The following RSRC1 variants were observed in gnomAD, a reference collection of about 807,000 sequenced individuals.
RSRC1 encodes serine/Arginine-related protein 53.
A neutral mutation model predicts 49.1 loss-of-function variants in RSRC1; 39 were observed. The ratio of observed to expected loss-of-function variants is 0.79; its 90% confidence interval spans 0.61 to 1.04. The LOEUF (loss-of-function observed/expected upper bound fraction) is 1.04, where lower values mean the gene tolerates loss of function less well. RSRC1 is among the 50% of genes least tolerant of loss of function. The pLI, the probability that RSRC1 is intolerant of heterozygous loss-of-function variation, is 0.00. For missense variants in RSRC1, 388 were observed against 402.4 expected (o/e 0.96, Z 0.31); for synonymous variants, 143 against 130.8 (o/e 1.09, Z -0.63).
chr3:158,230,908 A>G (rs1390082974), intron 4 of RSRC1, among the ~76,000 whole-genome samples: 2 of 152,118 alleles, frequency 1.3e-5, no homozygotes, highest in Non-Finnish European at 1.5e-5. Flanking sequence ...GGTGAGTTGT[A>G]TTTTAAGATG....
chr3:158,416,488 G>A (rs1218626894), intron 6 of RSRC1, among the ~76,000 whole-genome samples: 1 of 152,046 alleles, frequency 6.6e-6, no homozygotes, highest in East Asian at 1.9e-4. Flanking sequence ...CAGCCTCATG[G>A]AGAGACCACA....
At chr3:158,174,164 T>A (rs185546303) in intron 3 of RSRC1, among the ~76,000 whole-genome samples, 1 of 151,828 alleles carries the variant, frequency 6.6e-6, no homozygotes, top group Non-Finnish European at 1.5e-5. Context: ...TCTCTCAACG[T>A]TGGGGTTGTA....
chr3:158,112,834 C>A (rs1714501784), intron 1 of RSRC1, among the ~76,000 whole-genome samples: 1 of 143,778 alleles, frequency 7.0e-6, no homozygotes, highest in Non-Finnish European at 1.5e-5. Flanking sequence ...GTGTGTTGTT[C>A]CCCTCCCAGG....
chr3:158,402,800 C>T (rs988081646), intron 6 of RSRC1, among the ~76,000 whole-genome samples: 5 of 151,892 alleles, frequency 3.3e-5, no homozygotes, highest in East Asian at 1.9e-4. Flanking sequence ...AATTAGTTAT[C>T]ATTTATACTT....
At position 158,487,167 on chromosome 3, in the gene RSRC1, T is replaced by G. The variant is rs566491722; in HGVS notation, c.652+26164T>G. ...AGATAAGCACTTGGAAACAACTGCT[T>G]TAAGCAGTAGAGCTAACCAATTACA... On this transcript the variant is annotated intron_variant, in intron 7 of 9. Coordinates refer to ENST00000611884, the MANE Select transcript of RSRC1 (RefSeq NM_001271838.2). Among the ~76,000 whole-genome samples, 3 of 152,334 alleles carry G rather than the reference T, an allele frequency of 2.0e-5. No individual in the cohort carries two copies. In the South Asian group the frequency reaches 6.2e-4, roughly 32 times the overall value.
chr3:158,519,456 T>TA (rs1485060288), intron 7 of RSRC1, among the ~76,000 whole-genome samples: 2 of 151,782 alleles, frequency 1.3e-5, no homozygotes, highest in Non-Finnish European at 2.9e-5. Flanking sequence ...ACATTTAAGC[T>TA]AAAATCTGAA....
chr3:158,430,771 C>G (rs1258269243), intron 6 of RSRC1, among the ~76,000 whole-genome samples: 1 of 151,870 alleles, frequency 6.6e-6, no homozygotes. Context: ...TATTACCTAC[C>G]ACAGTACCTG....
chr3:158,147,651 C>T (rs371880476), intron 3 of RSRC1, among the ~76,000 whole-genome samples: 2 of 152,072 alleles, frequency 1.3e-5, no homozygotes, highest in Non-Finnish European at 1.5e-5. Context: ...GTACAATAAT[C>T]AGCCTCCAAA....
chr3:158,143,048 C>G (rs1716851569), intron 3 of RSRC1, among the ~76,000 whole-genome samples: 1 of 152,108 alleles, frequency 6.6e-6, no homozygotes, highest in African/African-American at 2.4e-5. Context: ...CTACTTGAGG[C>G]CTTTGTTAAG....
At chr3:158,465,287 A>G (rs1013779320) in intron 7 of RSRC1, among the ~76,000 whole-genome samples, 2 of 152,054 alleles carry the variant, frequency 1.3e-5, no homozygotes, top group African/African-American at 4.8e-5. Flanking sequence ...CTAAGCATCT[A>G]GTTTCTCAGG....
intron 4 of RSRC1, among the ~76,000 whole-genome samples, chr3:158,234,642 T>G (rs1210112531): frequency 2.0e-5 from 3 of 152,128 alleles, no homozygotes; most frequent in Non-Finnish European, 4.4e-5. Context: ...AGGCTGACAT[T>G]TGTCTCTTCT....
intron 5 of RSRC1, among the ~76,000 whole-genome samples, chr3:158,333,795 G>A (rs554095663): frequency 1.3e-5 from 2 of 152,308 alleles, no homozygotes; most frequent in South Asian, 2.1e-4. Context: ...AGAGAAATAG[G>A]TAGACTGTTC....
intron 7 of RSRC1, among the ~76,000 whole-genome samples, chr3:158,529,212 G>GTA (rs1392403530): frequency 5.9e-5 from 6 of 101,260 alleles, no homozygotes; most frequent in African/African-American, 3.1e-4. Flanking sequence ...GTATGTGTGT[G>GTA]TGTATATATA....
chr3:158,306,640 C>A (rs911723846), intron 5 of RSRC1, among the ~76,000 whole-genome samples: 3 of 151,708 alleles, frequency 2.0e-5, no homozygotes, highest in South Asian at 2.1e-4. Flanking sequence ...TTGCAAAAAA[C>A]AAATAAGCGA....
chr3:158,158,365 C>T (rs1718006276), intron 3 of RSRC1, among the ~76,000 whole-genome samples: 1 of 152,104 alleles, frequency 6.6e-6, no homozygotes, highest in Non-Finnish European at 1.5e-5. Flanking sequence ...CGGATTTGGT[C>T]ATGCACTGGC....
intron 4 of RSRC1, among the ~76,000 whole-genome samples, chr3:158,285,012 T>C (rs1384179870): frequency 1.3e-5 from 2 of 152,160 alleles, no homozygotes; most frequent in East Asian, 3.9e-4. Flanking sequence ...TCTTCTAGGG[T>C]TTTTATGGTT....
intron 6 of RSRC1, among the ~76,000 whole-genome samples, chr3:158,446,228 A>G (rs1471768128): frequency 6.6e-6 from 1 of 151,894 alleles, no homozygotes; most frequent in Non-Finnish European, 1.5e-5. Context: ...AATAACTAAG[A>G]TCTTCATTTT....
chr3:158,234,493 G>T (rs1343374401), intron 4 of RSRC1, among the ~76,000 whole-genome samples: 1 of 152,220 alleles, frequency 6.6e-6, no homozygotes, highest in East Asian at 1.9e-4. Flanking sequence ...AAAGGTAATT[G>T]ATATTAGTGA....
chr3:158,308,430 G>C (rs578119060), intron 5 of RSRC1, among the ~76,000 whole-genome samples: 3 of 151,828 alleles, frequency 2.0e-5, no homozygotes, highest in African/African-American at 7.2e-5. Flanking sequence ...GGCGTCTCTC[G>C]GCAGCAACAG....
Sources: gnomAD v4.1 joint callset for allele counts (sites outside exome capture counted in the v4.1 genomes callset) on GRCh38, gnomAD v4.1.1 for gene constraint, MANE v1.5 for transcripts, NCBI Gene and HGNC (gene_info 2026-07-23, HGNC 2026-07-21) for gene names.